ZNF407: variants seen among roughly 807,000 people sequenced by gnomAD.
ZNF407 encodes the protein zinc finger protein 407.
Under a neutral mutation model 131.2 loss-of-function variants are expected in ZNF407, and 17 were observed. The observed-to-expected ratio is 0.13, with a 90% confidence interval of 0.09 to 0.19. ZNF407 has a LOEUF of 0.19. Ranked by LOEUF, ZNF407 falls within the 10% of genes least tolerant of loss-of-function variation. The probability of loss-of-function intolerance (pLI) is 1.00; values close to 1 mark genes in which losing one functional copy is unlikely to be tolerated. For missense variants in ZNF407, 2,681 were observed against 2,830.6 expected (o/e 0.95, Z 1.20); for synonymous variants, 1,156 against 1,062.0 (o/e 1.09, Z -1.72).
chr18:74,891,115 G>A (rs1266092933), intron 7 of ZNF407, among the ~76,000 whole-genome samples: 3 of 152,198 alleles, frequency 2.0e-5, no homozygotes, highest in Non-Finnish European at 4.4e-5. Context: ...GTAGAGAGGC[G>A]TAGTGGAAGA....
intron 4 of ZNF407, among the ~76,000 whole-genome samples, chr18:74,874,065 T>G (rs1380515522): frequency 6.6e-6 from 1 of 152,160 alleles, no homozygotes; most frequent in Non-Finnish European, 1.5e-5. Context: ...TCATTTCAAT[T>G]CTGTTAGCAC....
intron 3 of ZNF407, among the ~76,000 whole-genome samples, chr18:74,774,939 A>G (rs1969437322): frequency 6.6e-6 from 1 of 152,212 alleles, no homozygotes; most frequent in Non-Finnish European, 1.5e-5. Flanking sequence ...AGAGAGAGCA[A>G]GGAAGCAGGC....
intron 8 of ZNF407, among the ~76,000 whole-genome samples, chr18:75,044,191 C>T (rs2122246034): frequency 6.6e-6 from 1 of 151,914 alleles, no homozygotes; most frequent in East Asian, 1.9e-4. Flanking sequence ...ATATTAGATC[C>T]AGTGATAATC....
At chr18:74,895,198 T>A (rs1971437380) in intron 7 of ZNF407, among the ~76,000 whole-genome samples, 3 of 151,818 alleles carry the variant, frequency 2.0e-5, no homozygotes, top group African/African-American at 7.3e-5. Context: ...AAAGTACTTT[T>A]TCATCTTAAG....
chr18:74,656,969 T>G (rs1599045884), intron 3 of ZNF407, among the ~76,000 whole-genome samples: 1 of 152,228 alleles, frequency 6.6e-6, no homozygotes, highest in Non-Finnish European at 1.5e-5. Flanking sequence ...GTTGTATTGC[T>G]TATTACTGTG....
chr18:74,987,974 A>G (rs1972672885), intron 8 of ZNF407, among the ~76,000 whole-genome samples: 2 of 152,240 alleles, frequency 1.3e-5, no homozygotes, highest in Admixed American at 1.3e-4. Flanking sequence ...GGGAATGCAA[A>G]GAACCTGTAA....
In ZNF407 at chr18:74,627,821, GCCCTGCCCTGCCCCGCCCCA is replaced by G. The variant is rs1444557769; in HGVS notation, c.-53-3142_-53-3123del. ...TTCTCTCTTTCTCTCTTTCTGCCCTGCCCTGCCCTGCCCCGCCCCACCCCGCCCCGCCCCGCCCCGCCCCT... is the reference window on the plus strand; with the variant it reads ...TTCTCTCTTTCTCTCTTTCTGCCCTGCCCCGCCCCGCCCCGCCCCGCCCCT... On this transcript the variant is annotated intron_variant, in intron 1 of 8. Transcript: ENST00000299687. 3.5e-5 allele frequency among the ~76,000 whole-genome samples: 5 copies of G among 142,348 alleles called. No homozygotes were observed. In the East Asian group the frequency reaches 1.0e-3, roughly 30 times the overall value. 93.4% of individuals were successfully genotyped at this position (142,348 alleles called of 152,430 possible).
chr18:74,676,530 G>A lies in ZNF407; in HGVS notation c.4802+35408G>A, dbSNP rs964914328. Among the ~76,000 whole-genome samples, 56 of 150,080 alleles carry A rather than the reference G, an allele frequency of 3.7e-4. 1 individual carries two copies. The highest frequency in any genetic ancestry group is 1.1e-3 in the African/African-American group (44 of 40,528). On this transcript the variant is annotated intron_variant, in intron 3 of 8. Coordinates refer to ENST00000299687, the MANE Select transcript of ZNF407 (RefSeq NM_017757.3). ...CGGCTCACTGCAAGCTCCGCCTCCCGGGTTCACGCCATTCTCCTGCCTCAA... is the reference window on the plus strand; with the variant it reads ...CGGCTCACTGCAAGCTCCGCCTCCCAGGTTCACGCCATTCTCCTGCCTCAA...
At chr18:74,708,347 G>A (rs1205771208) in intron 3 of ZNF407, among the ~76,000 whole-genome samples, 1 of 152,186 alleles carries the variant, frequency 6.6e-6, no homozygotes, top group African/African-American at 2.4e-5. Flanking sequence ...ACACAGGCAT[G>A]TATAGGTTTA....
At chr18:74,944,873 A>T (rs7233581) in intron 8 of ZNF407, among the ~76,000 whole-genome samples, 1 of 152,180 alleles carries the variant, frequency 6.6e-6, no homozygotes, top group African/African-American at 2.4e-5. Flanking sequence ...AAAAAACCTC[A>T]GGGCCCAGAA....
intron 4 of ZNF407, among the ~76,000 whole-genome samples, chr18:74,854,046 G>A (rs535764255): frequency 3.3e-5 from 5 of 152,242 alleles, no homozygotes; most frequent in South Asian, 2.1e-4. Context: ...AATGGTTTGC[G>A]AATGTCTGGC....
At chr18:74,617,685 CACTG>C (rs1983375768) in intron 1 of ZNF407, among the ~76,000 whole-genome samples, 1 of 152,148 alleles carries the variant, frequency 6.6e-6, no homozygotes, top group African/African-American at 2.4e-5. Context: ...TCTGGAGACA[CACTG>C]TGTCCATCTG....
In ZNF407 at chr18:74,633,118, C is replaced by A; in HGVS notation, c.2099C>A (p.Ser700Tyr). Residue 700 changes from serine (S) to tyrosine (Y), a missense_variant, in exon 2 of 9, where the codon TCC (serine) becomes TAC (tyrosine). Coordinates refer to ENST00000299687, the MANE Select transcript of ZNF407 (RefSeq NM_017757.3). ...RVSHGNEVRHSSKPQFQCKKC... is the reference protein window; with the variant it reads ...RVSHGNEVRHYSKPQFQCKKC... The stretch of plus-strand genomic sequence containing the variant: ...AGCCATGGTAATGAAGTGAGGCATT[C>A]CAGTAAGCCTCAGTTTCAGTGTAAG... The A allele has an allele frequency of 6.2e-7, 1 of 1,613,264 alleles. No homozygotes were observed. Among genetic ancestry groups the A allele is most frequent in the Non-Finnish European group, 8.5e-7 (1 of 1,179,726 alleles).
chr18:74,811,364 G>T (rs553617326), intron 4 of ZNF407, among the ~76,000 whole-genome samples: 82 of 152,228 alleles, frequency 5.4e-4, no homozygotes, highest in African/African-American at 1.9e-3. Context: ...TCATTAAAAA[G>T]TCAGGAAACA....
At position 74,929,240 on chromosome 18, in the gene ZNF407, G is replaced by A. The variant is rs535264387; in HGVS notation, c.5428+8548G>A. Among the ~76,000 whole-genome samples the A allele has an allele frequency of 1.2e-4, 19 of 152,184 alleles. No individual in the cohort carries two copies. The East Asian group carries it at 2.1e-3, about 17-fold the overall frequency. ...TGATGGCCTGTATGATTCGAGCCGCGCCAGCGCTTCCTTCCCGGCTCCCTT... is the reference window on the plus strand; with the variant it reads ...TGATGGCCTGTATGATTCGAGCCGCACCAGCGCTTCCTTCCCGGCTCCCTT... On this transcript the variant is annotated intron_variant, in intron 8 of 8. Transcript: ENST00000299687.
chr18:74,741,482 A>T lies in ZNF407; in HGVS notation c.4803-39946A>T, dbSNP rs150528061. Among the ~76,000 whole-genome samples, 202 of 152,270 alleles carry T rather than the reference A, an allele frequency of 1.3e-3. 4 individuals carry two copies. The highest frequency in any genetic ancestry group is 8.5e-3 in the Admixed American group (130 of 15,280). ...TTTATGTTATTTGGACTAGACTGTA[A>T]TGAAAAACAGCTAGAATCTAAATGA... On this transcript the variant is annotated intron_variant, in intron 3 of 8. Transcript: ENST00000299687.
intron 4 of ZNF407, among the ~76,000 whole-genome samples, chr18:74,861,663 T>C (rs1259116860): frequency 2.0e-5 from 3 of 152,238 alleles, no homozygotes; most frequent in East Asian, 1.9e-4. Flanking sequence ...TCGATAACGA[T>C]TGAATAATTG....
In ZNF407 at chr18:74,770,872, G is replaced by C. The variant is rs555413267; in HGVS notation, c.4803-10556G>C. Among the ~76,000 whole-genome samples, 7 of 152,260 alleles carry C rather than the reference G, an allele frequency of 4.6e-5. No homozygotes were observed. In the East Asian group the frequency reaches 1.3e-3, roughly 29 times the overall value. ...CTGTATGCAGAATGCCTATTCTCAG[G>C]AGAGGTGTGAAATTTAAGAAAAGTT... On this transcript the variant is annotated intron_variant, in intron 3 of 8. Coordinates refer to ENST00000299687, the MANE Select transcript of ZNF407 (RefSeq NM_017757.3).
At chr18:74,618,334 G>GGT (rs1385605724) in intron 1 of ZNF407, among the ~76,000 whole-genome samples, 1 of 152,070 alleles carries the variant, frequency 6.6e-6, no homozygotes, top group Non-Finnish European at 1.5e-5. Context: ...CTCCATGCCG[G>GGT]GTGTGCTCCT....
Sources: allele counts gnomAD v4.1 joint callset (sites outside exome capture counted in the v4.1 genomes callset), GRCh38; gene constraint gnomAD v4.1.1; transcripts MANE v1.5; gene names NCBI Gene and HGNC (gene_info 2026-07-23, HGNC 2026-07-21).